The following TIAM1 variants were observed in gnomAD, a reference collection of about 807,000 sequenced individuals.
TIAM1 encodes the protein rho guanine nucleotide exchange factor TIAM1.
TIAM1 carries 65 observed loss-of-function variants against 163.5 expected under a neutral mutation model. The observed-to-expected ratio is 0.40, with a 90% CI of 0.33 to 0.49. The LOEUF is 0.49. Among genes scored for constraint, TIAM1 ranks in the 20% least tolerant of loss-of-function variants. TIAM1 has a pLI of 0.77. For missense variants in TIAM1, 1,789 were observed against 2,044.7 expected, an observed-to-expected ratio of 0.87 and a Z score of 2.41; for synonymous variants, 833 against 810.1, an observed-to-expected ratio of 1.03 and a Z score of -0.48.
At chr21:31,342,237 G>A (rs1429076408) in intron 1 of TIAM1, among the ~76,000 whole-genome samples, 1 of 151,946 alleles carries the variant, frequency 6.6e-6, no homozygotes, top group African/African-American at 2.4e-5. Flanking sequence ...TTGAGCCCAG[G>A]AGCTCCAGTC....
chr21:31,317,034 G>A (rs991767155), intron 2 of TIAM1, among the ~76,000 whole-genome samples: 1 of 152,166 alleles, frequency 6.6e-6, no homozygotes, highest in African/African-American at 2.4e-5. Context: ...TGAGCTTTTG[G>A]TCTCCACTTG....
chr21:31,223,176 C>A (rs1184866745), intron 8 of TIAM1, among the ~76,000 whole-genome samples: 1 of 152,106 alleles, frequency 6.6e-6, no homozygotes, highest in African/African-American at 2.4e-5. Flanking sequence ...TGGTACCCTT[C>A]ATATTTCCTT....
intron 1 of TIAM1, among the ~76,000 whole-genome samples, chr21:31,470,940 G>C (rs2045717945): frequency 6.6e-6 from 1 of 152,128 alleles, no homozygotes; most frequent in Admixed American, 6.5e-5. Context: ...ACCCCCGAGG[G>C]GGCAGCTGGG....
intron 6 of TIAM1, among the ~76,000 whole-genome samples, chr21:31,242,114 CA>C (rs1387602399): frequency 6.6e-6 from 1 of 152,098 alleles, no homozygotes; most frequent in African/African-American, 2.4e-5. Flanking sequence ...AGATTTCAAG[CA>C]ACTATTTTGA....
At chr21:31,360,235 C>T (rs1484897984) in intron 2 of TIAM1, among the ~76,000 whole-genome samples, 1 of 151,682 alleles carries the variant, frequency 6.6e-6, no homozygotes, top group East Asian at 1.9e-4. Context: ...ATTCTATATG[C>T]AGCAGAAATA....
chr21:31,468,428 A>G (rs543307208), intron 1 of TIAM1, among the ~76,000 whole-genome samples: 1 of 151,546 alleles, frequency 6.6e-6, no homozygotes, highest in Admixed American at 6.6e-5. Flanking sequence ...GGTTTCAGTG[A>G]GCGAAGATCA....
chr21:31,397,219 G>A (rs1240470261), intron 2 of TIAM1, among the ~76,000 whole-genome samples: 7 of 152,156 alleles, frequency 4.6e-5, no homozygotes, highest in Non-Finnish European at 8.8e-5. Flanking sequence ...GTTTGGCTCT[G>A]AAGAGATATG....
chr21:31,413,950 G>A (rs1387531741), intron 2 of TIAM1, among the ~76,000 whole-genome samples: 2 of 152,196 alleles, frequency 1.3e-5, no homozygotes, highest in Non-Finnish European at 2.9e-5. Context: ...AAGCAGCAGA[G>A]CAACCGTCGT....
chr21:31,525,325 C>T (rs138540936), intron 1 of TIAM1, among the ~76,000 whole-genome samples: 365 of 150,530 alleles, frequency 2.4e-3, no homozygotes, highest in Non-Finnish European at 4.1e-3. Context: ...GCTGAGATTG[C>T]GCCACGCACT....
rs144856218 is a variant in TIAM1 at position 31,392,299 on chromosome 21, G to A, written c.-368-52877C>T. The stretch of plus-strand genomic sequence containing the variant: ...AAAAGTCGAAAATGAGGCTGGGCGC[G>A]GTGGCTCACGCCTGTAATCCCAGCA... On this transcript the variant is annotated intron_variant, in intron 2 of 28. Transcript: ENST00000286827. Among the ~76,000 whole-genome samples, 1,466 of 152,180 alleles carry A rather than the reference G, an allele frequency of 9.6e-3. 20 individuals carry two copies. Among genetic ancestry groups the A allele is most frequent in the African/African-American group, 0.033 (1,376 of 41,512 alleles).
intron 2 of TIAM1, among the ~76,000 whole-genome samples, chr21:31,397,658 G>C (rs2077096049): frequency 6.6e-6 from 1 of 152,148 alleles, no homozygotes; most frequent in Non-Finnish European, 1.5e-5. Flanking sequence ...CTGGCTTGGT[G>C]CCAACACGTT....
rs550746476 is a variant in TIAM1 at position 31,512,880 on chromosome 21, G to A, written c.-422+46047C>T. 3.1e-4 allele frequency among the ~76,000 whole-genome samples: 47 copies of A among 152,150 alleles called. No individual in the cohort carries two copies. The Middle Eastern group carries it at 0.01, about 33-fold the overall frequency. Reference sequence around the variant, plus strand: ...ACTGGTCTCAGACTCCTGAGCTCAAGTGATCCTCCTACCTCAGCCTCCCAA... The same window carrying A: ...ACTGGTCTCAGACTCCTGAGCTCAAATGATCCTCCTACCTCAGCCTCCCAA... On this transcript the variant is annotated intron_variant, in intron 1 of 28. Coordinates refer to the TIAM1 transcript ENST00000286827.
chr21:31,461,695 TTGCTCTATTGCCCA>T (rs1386974685), intron 2 of TIAM1, among the ~76,000 whole-genome samples: 1 of 152,144 alleles, frequency 6.6e-6, no homozygotes, highest in Non-Finnish European at 1.5e-5. Flanking sequence ...AGACCTGATC[TTGCTCTATTGCCCA>T]AGCTGGAGTG....
intron 2 of TIAM1, among the ~76,000 whole-genome samples, chr21:31,298,674 G>A (rs1029780426): frequency 2.3e-4 from 35 of 151,480 alleles, no homozygotes; most frequent in African/African-American, 7.0e-4. Flanking sequence ...CGTGACAGAC[G>A]TCATCCTTGG....
chr21:31,471,062 G>A lies in TIAM1; in HGVS notation c.-421-7027C>T, dbSNP rs370896296. On this transcript the variant is annotated intron_variant, in intron 1 of 28. Transcript: ENST00000286827. ...CACAAGCAACAGCAAAAGCAGTTCC[G>A]GGGCTGGGGAAAATCTCATCGTGTT... is the stretch of plus-strand genomic sequence containing the variant. Among the ~76,000 whole-genome samples the A allele has an allele frequency of 1.8e-3, 277 of 152,342 alleles. 1 individual carries two copies. Among genetic ancestry groups the A allele is most frequent in the African/African-American group, 5.2e-3 (215 of 41,580 alleles).
intron 2 of TIAM1, among the ~76,000 whole-genome samples, chr21:31,437,373 G>A (rs1215488359): frequency 6.6e-6 from 1 of 151,908 alleles, no homozygotes; most frequent in East Asian, 1.9e-4. Flanking sequence ...GTGGTGGCAG[G>A]CACCTGTAAT....
At chr21:31,366,052 A>G (rs1475655686) in intron 2 of TIAM1, among the ~76,000 whole-genome samples, 1 of 135,274 alleles carries the variant, frequency 7.4e-6, no homozygotes, top group Non-Finnish European at 1.5e-5. Context: ...GCTCCACTGC[A>G]CTCCAGCCTG....
At chr21:31,172,903 C>T (rs1054974357) in intron 15 of TIAM1, among the ~76,000 whole-genome samples, 5 of 152,048 alleles carry the variant, frequency 3.3e-5, no homozygotes, top group African/African-American at 1.2e-4. Flanking sequence ...TGCGGTAACC[C>T]TGTAAATAGA....
chr21:31,420,496 A>G (rs1008335098), intron 2 of TIAM1, among the ~76,000 whole-genome samples: 1 of 152,254 alleles, frequency 6.6e-6, no homozygotes, highest in African/African-American at 2.4e-5. Flanking sequence ...TAAAGAGTCT[A>G]AAGGTGAGTA....
Sources: allele counts gnomAD v4.1 joint callset (sites outside exome capture counted in the v4.1 genomes callset), GRCh38; gene constraint gnomAD v4.1.1; transcripts MANE v1.5; gene names NCBI Gene and HGNC (gene_info 2026-07-23, HGNC 2026-07-21).